Variants in PLCB1 observed in about 807,000 individuals in gnomAD.
PLCB1 encodes 1-phosphatidylinositol 4,5-bisphosphate phosphodiesterase beta-1.
A neutral mutation model predicts 161.8 loss-of-function variants in PLCB1; 46 were observed. The ratio of observed to expected loss-of-function variants is 0.28; its 90% CI spans 0.22 to 0.36. The LOEUF (loss-of-function observed/expected upper bound fraction) is 0.36. Among genes scored for constraint, PLCB1 ranks in the 10% least tolerant of loss-of-function variants. The probability of loss-of-function intolerance (pLI) is 1.00; values close to 1 mark genes in which losing one functional copy is unlikely to be tolerated. For synonymous variants in PLCB1, 517 were observed against 503.7 expected (o/e 1.03, Z -0.35); for missense variants, 1,016 against 1,472.5 (o/e 0.69, Z 5.07).
chr20:8,181,800 C>G (rs1439796828), intron 2 of PLCB1, among the ~76,000 whole-genome samples: 1 of 152,028 alleles, frequency 6.6e-6, no homozygotes, highest in Non-Finnish European at 1.5e-5. Flanking sequence ...CAAAGGATGT[C>G]TACAAAAATA....
At chr20:8,652,007 A>G (rs1227484920) in intron 7 of PLCB1, 1 of 152,762 alleles carries the variant, frequency 6.5e-6, no homozygotes, top group African/African-American at 2.4e-5. Flanking sequence ...AATAATCAAA[A>G]TATTTAACTT....
At chr20:8,407,253 G>T (rs992251726) in intron 3 of PLCB1, among the ~76,000 whole-genome samples, 3 of 151,916 alleles carry the variant, frequency 2.0e-5, no homozygotes, top group Non-Finnish European at 4.4e-5. Context: ...TGATAGGCTG[G>T]AAAAAAACTC....
At chr20:8,566,046 T>C (rs1037826592) in intron 3 of PLCB1, among the ~76,000 whole-genome samples, 1 of 152,146 alleles carries the variant, frequency 6.6e-6, no homozygotes, top group African/African-American at 2.4e-5. Flanking sequence ...TTTCATCTCA[T>C]TATGTATTTG....
chr20:8,676,430 G>A (rs1168920065), intron 9 of PLCB1, among the ~76,000 whole-genome samples: 1 of 151,580 alleles, frequency 6.6e-6, no homozygotes, highest in Non-Finnish European at 1.5e-5. Flanking sequence ...AAGAAAGAAA[G>A]AAAGAGAGAA....
At chr20:8,709,817 A>G (rs764550007) in intron 12 of PLCB1, among the ~76,000 whole-genome samples, 11 of 152,188 alleles carry the variant, frequency 7.2e-5, no homozygotes, top group Non-Finnish European at 1.3e-4. Flanking sequence ...CCAATGAATG[A>G]TGTAATCCTT....
At chr20:8,421,538 A>G (rs1047726801) in intron 3 of PLCB1, among the ~76,000 whole-genome samples, 21 of 152,178 alleles carry the variant, frequency 1.4e-4, no homozygotes, top group Non-Finnish European at 2.8e-4. Context: ...GTGAAACCTC[A>G]TATGTCATAA....
intron 3 of PLCB1, among the ~76,000 whole-genome samples, chr20:8,622,282 GC>G (rs1988208143): frequency 6.6e-6 from 1 of 151,356 alleles, no homozygotes; most frequent in Admixed American, 6.6e-5. Flanking sequence ...AATCTTAGTA[GC>G]CTATCTGATG....
At chr20:8,795,436 A>T (rs1228289872) in intron 31 of PLCB1, among the ~76,000 whole-genome samples, 1 of 152,208 alleles carries the variant, frequency 6.6e-6, no homozygotes, top group Non-Finnish European at 1.5e-5. Context: ...TTAGAAGGGA[A>T]TACTTGGCTC....
At chr20:8,339,836 G>A (rs770595224) in intron 2 of PLCB1, among the ~76,000 whole-genome samples, 1 of 152,190 alleles carries the variant, frequency 6.6e-6, no homozygotes, top group Non-Finnish European at 1.5e-5. Flanking sequence ...AGGCACTGTG[G>A]CTCATGCCTG....
chr20:8,774,484 C>T (rs1012350497), intron 26 of PLCB1, 55 bp from the exon 27 acceptor site: 1 of 1,469,620 alleles, frequency 6.8e-7, no homozygotes, highest in Admixed American at 1.9e-5. Flanking sequence ...AATAACCTTC[C>T]CTCCACCTTG....
At chr20:8,736,280 A>C (rs746038022) in intron 19 of PLCB1, among the ~76,000 whole-genome samples, 1 of 152,248 alleles carries the variant, frequency 6.6e-6, no homozygotes, top group Non-Finnish European at 1.5e-5. Context: ...AGAGGCAGAC[A>C]TGGAAGACAT....
intron 29 of PLCB1, 32 bp from the exon 30 acceptor site, chr20:8,789,486 G>A (rs1488787800): frequency 7.0e-7 from 1 of 1,427,064 alleles, no homozygotes; most frequent in Non-Finnish European, 9.9e-7. Flanking sequence ...TGGATGAATT[G>A]GTATAATGAT....
intron 3 of PLCB1, 155 bp downstream of exon 3, chr20:8,371,605 A>G (rs185398105): frequency 5.2e-5 from 26 of 501,218 alleles, no homozygotes; most frequent in African/African-American, 3.7e-4. Flanking sequence ...TTTTATTAAA[A>G]GACGGAAACA....
chr20:8,210,556 G>A (rs6039095), intron 2 of PLCB1, among the ~76,000 whole-genome samples: 3,866 of 152,146 alleles, frequency 0.025, 181 homozygotes, highest in African/African-American at 0.088. Context: ...ATCATTCTCT[G>A]TATCAGTTAC....
intron 2 of PLCB1, among the ~76,000 whole-genome samples, chr20:8,271,662 G>A (rs1012096609): frequency 6.6e-6 from 1 of 152,038 alleles, no homozygotes; most frequent in African/African-American, 2.4e-5. Context: ...GAGAAAAGAG[G>A]CAAGGTAGAG....
At chr20:8,745,957 A>G (rs1201076641) in intron 23 of PLCB1, among the ~76,000 whole-genome samples, 1 of 152,166 alleles carries the variant, frequency 6.6e-6, no homozygotes, top group Non-Finnish European at 1.5e-5. Context: ...TTTGAGACAG[A>G]GTCTCGCTCT....
At chr20:8,717,522 A>T (rs1233352514) in intron 13 of PLCB1, 149 bp from the exon 14 acceptor site, 1 of 528,696 alleles carries the variant, frequency 1.9e-6, no homozygotes, top group African/African-American at 1.9e-5. Flanking sequence ...ATTAGCTCCC[A>T]TGTAAGATAC....
chr20:8,430,733 A>C (rs1980002626), intron 3 of PLCB1, among the ~76,000 whole-genome samples: 1 of 152,190 alleles, frequency 6.6e-6, no homozygotes, highest in Non-Finnish European at 1.5e-5. Flanking sequence ...TGGGAGGATC[A>C]CTTGAGGCCA....
intron 3 of PLCB1, among the ~76,000 whole-genome samples, chr20:8,372,332 T>C (rs1986929052): frequency 1.3e-5 from 2 of 152,214 alleles, no homozygotes; most frequent in Admixed American, 1.3e-4. Flanking sequence ...TAAAATGATC[T>C]GTTGCTTTGG....
Sources: allele counts gnomAD v4.1 joint callset (sites outside exome capture counted in the v4.1 genomes callset), GRCh38; gene constraint gnomAD v4.1.1; transcripts MANE v1.5; gene names NCBI Gene and HGNC (gene_info 2026-07-23, HGNC 2026-07-21).